The following FOCAD variants were observed in gnomAD, a reference collection of about 807,000 sequenced individuals.
FOCAD encodes focadhesin.
FOCAD carries 198 observed loss-of-function variants against 225.6 expected under a neutral mutation model. That is an observed-to-expected ratio of 0.88 (90% confidence interval 0.78 to 0.99). The LOEUF is 0.99. Among genes scored for constraint, FOCAD ranks in the 50% least tolerant of loss-of-function variants. FOCAD has a pLI of 0.00. For missense variants in FOCAD, 2,713 were observed against 2,123.6 expected (o/e 1.28, Z -5.46); for synonymous variants, 897 against 755.0 (o/e 1.19, Z -3.08).
intron 6 of FOCAD, among the ~76,000 whole-genome samples, chr9:20,761,989 G>T (rs1246025601): frequency 6.6e-6 from 1 of 151,954 alleles, no homozygotes; most frequent in Non-Finnish European, 1.5e-5. Context: ...TAAGCCAAGG[G>T]GATTTTTAAA....
At chr9:20,893,914 G>A (rs1831847794) in intron 21 of FOCAD, among the ~76,000 whole-genome samples, 1 of 151,904 alleles carries the variant, frequency 6.6e-6, no homozygotes, top group African/African-American at 2.4e-5. Context: ...GTTTATTCTT[G>A]GTGTTAAACA....
intron 6 of FOCAD, among the ~76,000 whole-genome samples, chr9:20,759,197 G>C (rs1829339491): frequency 6.6e-6 from 1 of 152,022 alleles, no homozygotes. Flanking sequence ...ACTGCCCAAG[G>C]CCATTAAAAA....
chr9:20,679,281 C>T (rs10964656), upstream of FOCAD, among the ~76,000 whole-genome samples: 2,086 of 152,046 alleles, frequency 0.014, 24 homozygotes, highest in Middle Eastern at 0.078. Context: ...ATTGGAGACT[C>T]GTATATCTAA....
At chr9:20,761,490 G>A (rs201857706) in intron 6 of FOCAD, among the ~76,000 whole-genome samples, 5 of 151,754 alleles carry the variant, frequency 3.3e-5, no homozygotes, top group Non-Finnish European at 7.4e-5. Context: ...GTGCAATCTC[G>A]GCTCATTGCA....
rs1564192017 is a variant in FOCAD at position 20,948,386 on chromosome 9, TAACA to T, written c.3792_3795del (p.Thr1265ArgfsTer19). 7.4e-6 allele frequency: 12 copies of T among 1,611,282 alleles called. No individual in the cohort carries two copies. Among genetic ancestry groups the T allele is most frequent in the Non-Finnish European group, 1.0e-5 (12 of 1,178,316 alleles). On this transcript the variant is annotated frameshift_variant, in exon 31 of 44. Coordinates refer to ENST00000338382, the MANE Select transcript of FOCAD (RefSeq NM_001375567.1). LOFTEE classifies it high-confidence loss of function. ...CTCCCTGCCTGGATCAGAATTGTTC[TAACA>T]GAGGTAGAGGTCACCTGTTGTATGC... is the stretch of plus-strand genomic sequence containing the variant.
At chr9:20,666,486 A>T (rs200813243) in intron 2 of FOCAD, among the ~76,000 whole-genome samples, 1 of 152,004 alleles carries the variant, frequency 6.6e-6, no homozygotes, top group Non-Finnish European at 1.5e-5. Context: ...AGGAGGATCA[A>T]TTGAGCCCAG....
At chr9:20,688,715 T>C (rs1822803417) in intron 1 of FOCAD, among the ~76,000 whole-genome samples, 1 of 152,154 alleles carries the variant, frequency 6.6e-6, no homozygotes, top group South Asian at 2.1e-4. Context: ...AGGAACAGCC[T>C]AATGACAGTG....
intron 18 of FOCAD, chr9:20,874,000 T>C (rs1830015081): frequency 6.6e-6 from 1 of 152,224 alleles, no homozygotes; most frequent in South Asian, 2.1e-4. Flanking sequence ...TTATATCTTG[T>C]GAAAACAATG....
intron 1 of FOCAD, among the ~76,000 whole-genome samples, chr9:20,684,953 G>A (rs993425840): frequency 6.6e-6 from 1 of 152,208 alleles, no homozygotes; most frequent in African/African-American, 2.4e-5. Context: ...CAGTTATGTT[G>A]CATTTACCCT....
At chr9:20,885,469 C>T in intron 21 of FOCAD, 1 of 242,092 alleles carries the variant, frequency 4.1e-6, no homozygotes, top group Non-Finnish European at 7.8e-6. Flanking sequence ...TAGGAATTTG[C>T]TTTACTTCAT....
intron 5 of FOCAD, among the ~76,000 whole-genome samples, chr9:20,751,027 C>T (rs1042807599): frequency 2.2e-4 from 34 of 151,974 alleles, no homozygotes; most frequent in Non-Finnish European, 4.1e-4. Context: ...AAACTTTGGC[C>T]AAGAGAGGTT....
intron 7 of FOCAD, among the ~76,000 whole-genome samples, chr9:20,765,725 A>T (rs1009201332): frequency 6.6e-6 from 1 of 152,120 alleles, no homozygotes; most frequent in Non-Finnish European, 1.5e-5. Flanking sequence ...TTGTCTCTAT[A>T]ACTGCATATG....
At chr9:20,897,188 C>G (rs979042589) in intron 21 of FOCAD, 2 of 151,688 alleles carry the variant, frequency 1.3e-5, no homozygotes, top group African/African-American at 2.4e-5. Flanking sequence ...CAAGTCTGCT[C>G]TGTCTGAAAT....
At chr9:20,867,389 A>T (rs1480505590) in intron 18 of FOCAD, among the ~76,000 whole-genome samples, 1 of 152,020 alleles carries the variant, frequency 6.6e-6, no homozygotes, top group Non-Finnish European at 1.5e-5. Context: ...TGTGATAAAC[A>T]ATGGGATGCC....
At chr9:20,694,071 T>C (rs1823147936) in intron 1 of FOCAD, among the ~76,000 whole-genome samples, 1 of 152,186 alleles carries the variant, frequency 6.6e-6, no homozygotes, top group South Asian at 2.1e-4. Flanking sequence ...CAGACTCTAA[T>C]TTATTCTTTG....
At chr9:20,934,971 T>C (rs920458304) in intron 28 of FOCAD, among the ~76,000 whole-genome samples, 2 of 152,064 alleles carry the variant, frequency 1.3e-5, no homozygotes, top group African/African-American at 4.8e-5. Flanking sequence ...AAAGAAATCA[T>C]AGATGACACA....
At chr9:20,797,202 C>A (rs1421030348) in intron 11 of FOCAD, among the ~76,000 whole-genome samples, 1 of 152,128 alleles carries the variant, frequency 6.6e-6, no homozygotes, top group Non-Finnish European at 1.5e-5. Context: ...CAGTACCATG[C>A]TGTTTGGGTG....
chr9:20,880,456 C>A (rs980550606), intron 19 of FOCAD, among the ~76,000 whole-genome samples: 1 of 152,150 alleles, frequency 6.6e-6, no homozygotes, highest in Admixed American at 6.6e-5. Context: ...CTTTGATGTC[C>A]TGCCAGTGAC....
intron 1 of FOCAD, among the ~76,000 whole-genome samples, chr9:20,712,760 TCTCA>T (rs1484048946): frequency 2.8e-5 from 3 of 108,808 alleles, no homozygotes; most frequent in Non-Finnish European, 5.3e-5. Context: ...TTTGACAGAA[TCTCA>T]CTCAGTCACC....
Sources: allele counts gnomAD v4.1 joint callset (sites outside exome capture counted in the v4.1 genomes callset), GRCh38; gene constraint gnomAD v4.1.1; transcripts MANE v1.5; gene names NCBI Gene and HGNC (gene_info 2026-07-23, HGNC 2026-07-21).